Variants in CARMIL1 observed in about 807,000 individuals in gnomAD.
CARMIL1 encodes capping protein regulator and myosin 1 linker 1.
A neutral mutation model predicts 177.1 loss-of-function variants in CARMIL1; 90 were observed. The ratio of observed to expected loss-of-function variants is 0.51; its 90% CI spans 0.43 to 0.61. The LOEUF (loss-of-function observed/expected upper bound fraction) is 0.61. Ranked by LOEUF, CARMIL1 falls within the 20% of genes least tolerant of loss-of-function variation. CARMIL1 has a pLI of 0.00. For synonymous variants in CARMIL1, 577 were observed against 606.2 expected, an observed-to-expected ratio of 0.95 and a Z score of 0.71; for missense variants, 1,380 against 1,667.0, an observed-to-expected ratio of 0.83 and a Z score of 3.00.
chr6:25,495,537 TC>T, intron 16 of CARMIL1, among the ~76,000 whole-genome samples: 1 of 90,380 alleles, frequency 1.1e-5, no homozygotes, highest in East Asian at 3.3e-4. Context: ...ATTCGTTTGT[TC>T]GTGTGTGTGT....
rs1187594023 is a variant in CARMIL1 at position 25,553,877 on chromosome 6, A to G, written c.2505-132A>G. On this transcript the variant is annotated intron_variant, in intron 27 of 36. Transcript: ENST00000329474. ...TTTGGAAATCCTTAGTCCTGTTCACACATTCTTATATTCCACTTTCAAAGA... is the reference window on the plus strand; with the variant it reads ...TTTGGAAATCCTTAGTCCTGTTCACGCATTCTTATATTCCACTTTCAAAGA... 54 of 639,846 alleles carry G rather than the reference A, an allele frequency of 8.4e-5. No homozygotes were observed. The East Asian group carries it at 1.4e-3, about 17-fold the overall frequency. 39.6% of individuals were successfully genotyped at this position (639,846 alleles called of 1,614,324 possible).
At chr6:25,470,753 G>T (rs1562182659) in intron 9 of CARMIL1, among the ~76,000 whole-genome samples, 1 of 152,132 alleles carries the variant, frequency 6.6e-6, no homozygotes, top group Non-Finnish European at 1.5e-5. Context: ...AGTGGAAGGG[G>T]CAAGATAGCT....
intron 2 of CARMIL1, among the ~76,000 whole-genome samples, chr6:25,397,088 A>G (rs926190758): frequency 2.0e-5 from 3 of 152,194 alleles, no homozygotes; most frequent in African/African-American, 4.8e-5. Context: ...GATGAAGATC[A>G]TGAGACACTG....
Position 25,450,335 on chromosome 6 carries a change from T to C in CARMIL1, c.470-4T>C. The C allele has an allele frequency of 6.2e-7, 1 of 1,611,592 alleles. No individual in the cohort carries two copies. The highest frequency in any genetic ancestry group is 8.5e-7 in the Non-Finnish European group (1 of 1,177,868). ...CCTGTCAGTGTTTTTGTTGTATGTT[T>C]CAGGTGGATTTTCTCAGATGTATGC... is the stretch of plus-strand genomic sequence containing the variant. On this transcript the variant is annotated splice_region_variant and splice_polypyrimidine_tract_variant and intron_variant, in intron 6 of 36. Transcript: ENST00000329474.
chr6:25,537,368 A>G (rs1025989420), intron 24 of CARMIL1, among the ~76,000 whole-genome samples: 5 of 152,180 alleles, frequency 3.3e-5, no homozygotes, highest in Admixed American at 3.3e-4. Context: ...TCTGGTTTCT[A>G]TAGTATTGAG....
At chr6:25,437,032 A>G (rs1347215024) in intron 5 of CARMIL1, among the ~76,000 whole-genome samples, 1 of 152,200 alleles carries the variant, frequency 6.6e-6, no homozygotes, top group African/African-American at 2.4e-5. Flanking sequence ...GGGAATTGCC[A>G]AGAAGCAAAA....
At chr6:25,569,120 G>A (rs1811835915) in intron 29 of CARMIL1, among the ~76,000 whole-genome samples, 1 of 152,158 alleles carries the variant, frequency 6.6e-6, no homozygotes, top group Admixed American at 6.5e-5. Context: ...TGTTCTCATA[G>A]GTAGAATAGA....
intron 2 of CARMIL1, among the ~76,000 whole-genome samples, chr6:25,376,408 AT>A (rs1188284163): frequency 3.9e-5 from 6 of 152,154 alleles, no homozygotes; most frequent in Non-Finnish European, 7.4e-5. Flanking sequence ...GTTCCCTCTA[AT>A]TTGGGTAGGC....
intron 2 of CARMIL1, among the ~76,000 whole-genome samples, chr6:25,381,788 A>C (rs551780019): frequency 6.6e-6 from 1 of 152,274 alleles, no homozygotes; most frequent in Admixed American, 6.5e-5. Flanking sequence ...TGGCGTTTCC[A>C]TTACATAGTC....
chr6:25,563,796 G>A (rs74618676), intron 29 of CARMIL1: 401 of 985,314 alleles, frequency 4.1e-4, no homozygotes, highest in Middle Eastern at 2.6e-3. Context: ...CAGAACCACC[G>A]TCTGTGTAAA....
rs1392312234 is a variant in CARMIL1 at position 25,509,834 on chromosome 6, A to C, written c.1477+97A>C. ...TCTACCCAAATCCAAACAATAGCTT[A>C]ATAAAAAAATTGTTTTTTATTTTTT... On this transcript the variant is annotated intron_variant, in intron 18 of 36. Transcript: ENST00000329474. This position sits in a 1 kb window ranked among gnomAD's most constrained non-coding sequence, Gnocchi z 4.1. The C allele has an allele frequency of 3.7e-6, 3 of 808,986 alleles. No individual in the cohort carries two copies. The highest frequency in any genetic ancestry group is 5.9e-6 in the Non-Finnish European group (3 of 511,400). The allele number at this position is 808,986 out of a possible 1,614,324, so 50.1% of individuals were successfully genotyped here.
At chr6:25,485,132 A>C (rs1474699525) in intron 12 of CARMIL1, among the ~76,000 whole-genome samples, 1 of 152,118 alleles carries the variant, frequency 6.6e-6, no homozygotes, top group African/African-American at 2.4e-5. Flanking sequence ...AAATAAAAGG[A>C]TGTAGTCATC....
At chr6:25,426,458 C>T (rs747894623) in intron 3 of CARMIL1, 43 bp from the exon 4 acceptor site, 2 of 1,422,478 alleles carry the variant, frequency 1.4e-6, no homozygotes, top group East Asian at 2.3e-5. Flanking sequence ...TTTTAAAACC[C>T]TCATTGCAGG....
chr6:25,307,759 G>A (rs962964674), intron 2 of CARMIL1, among the ~76,000 whole-genome samples: 1 of 152,186 alleles, frequency 6.6e-6, no homozygotes, highest in Non-Finnish European at 1.5e-5. Flanking sequence ...TGCCGTGTTA[G>A]TCTTTATTTT....
chr6:25,335,040 A>G (rs1304958768), intron 2 of CARMIL1, among the ~76,000 whole-genome samples: 3 of 152,212 alleles, frequency 2.0e-5, no homozygotes, highest in African/African-American at 7.2e-5. Context: ...GCTTGAGGTC[A>G]TGCAAATAAG....
At position 25,366,739 on chromosome 6, in the gene CARMIL1, GA is replaced by G. The variant is rs754525350; in HGVS notation, c.139-53373del. Among the ~76,000 whole-genome samples, 25 of 151,884 alleles carry G rather than the reference GA, an allele frequency of 1.6e-4. 1 individual carries two copies. The East Asian group carries it at 1.9e-3, about 12-fold the overall frequency. Reference sequence around the variant, plus strand: ...CAGCACCCTCTTACAGGACACAAGAGAATAATCATGTCTGTACAGGTTGGCC... The same window carrying G: ...CAGCACCCTCTTACAGGACACAAGAGATAATCATGTCTGTACAGGTTGGCC... On this transcript the variant is annotated intron_variant, in intron 2 of 36. Transcript: ENST00000329474.
In CARMIL1 at chr6:25,450,012, A is replaced by G. The variant is rs747342166; in HGVS notation, c.469+17A>G. The stretch of plus-strand genomic sequence containing the variant: ...GCCCCTGTGGTGAGCATGCATTTTA[A>G]AACTGAAATGTGAATAGCTGGATGG... On this transcript the variant is annotated intron_variant, in intron 6 of 36. Transcript: ENST00000329474. 1.3e-6 allele frequency: 2 copies of G among 1,581,460 alleles called. No individual in the cohort carries two copies. The highest frequency in any genetic ancestry group is 1.7e-6 in the Non-Finnish European group (2 of 1,162,888).
At chr6:25,549,844 T>G (rs1562275678) in intron 26 of CARMIL1, among the ~76,000 whole-genome samples, 1 of 152,242 alleles carries the variant, frequency 6.6e-6, no homozygotes, top group Non-Finnish European at 1.5e-5. Context: ...GAAATCAGAT[T>G]AATAATAATG....
At chr6:25,486,498 T>C (rs890913481) in intron 12 of CARMIL1, among the ~76,000 whole-genome samples, 2 of 152,216 alleles carry the variant, frequency 1.3e-5, no homozygotes, top group Admixed American at 1.3e-4. Context: ...TACAAATGAT[T>C]TTCTTGATGA....
Sources: gnomAD v4.1 joint callset for allele counts (sites outside exome capture counted in the v4.1 genomes callset) on GRCh38, gnomAD v4.1.1 for gene constraint, Gnocchi (gnomAD v3.1) non-coding constraint, MANE v1.5 for transcripts, NCBI Gene and HGNC (gene_info 2026-07-23, HGNC 2026-07-21) for gene names.